Variants in LYZL4 observed in about 807,000 individuals in gnomAD.
LYZL4 encodes the protein lysozyme-like protein 4.
In LYZL4, 13 loss-of-function variants were observed where a neutral mutation model predicts 17.6. The observed-to-expected ratio is 0.74, with a 90% CI of 0.48 to 1.18. LYZL4 has a LOEUF of 1.18. Among genes scored for constraint, LYZL4 ranks in the 50% most tolerant of loss-of-function variants. LYZL4 has a pLI of 0.00. For synonymous variants in LYZL4, 64 were observed against 67.7 expected, an observed-to-expected ratio of 0.95 and a Z score of 0.27; for missense variants, 174 against 188.2, an observed-to-expected ratio of 0.92 and a Z score of 0.44.
At chr3:42,401,604 C>A (rs1164435591) in intron 4 of LYZL4, among the ~76,000 whole-genome samples, 2 of 151,884 alleles carry the variant, frequency 1.3e-5, no homozygotes, top group East Asian at 3.9e-4. Flanking sequence ...AAGATGTCAC[C>A]AGATATGACC....
At chr3:42,393,646 C>T (rs1210172818), downstream of LYZL4, among the ~76,000 whole-genome samples, 1 of 152,204 alleles carries the variant, frequency 6.6e-6, no homozygotes, top group Non-Finnish European at 1.5e-5. Context: ...TTTGCACTAG[C>T]CGGTTTCTTC....
At chr3:42,379,044 T>C in the LYZL4 span, among the ~76,000 whole-genome samples, 1 of 152,064 alleles carries the variant, frequency 6.6e-6, no homozygotes, top group East Asian at 1.9e-4. Context: ...GTGACTCTAT[T>C]CACCTATTGC....
At chr3:42,377,661 GTGTGTGTC>G in the LYZL4 span, among the ~76,000 whole-genome samples, 3 of 140,140 alleles carry the variant, frequency 2.1e-5, no homozygotes, top group Non-Finnish European at 3.1e-5. Flanking sequence ...GTGTGTGTGT[GTGTGTGTC>G]ACTAATGCAG....
intron 3 of LYZL4, among the ~76,000 whole-genome samples, chr3:42,405,615 C>A (rs1451379739): frequency 6.6e-6 from 1 of 152,178 alleles, no homozygotes; most frequent in African/African-American, 2.4e-5. Flanking sequence ...ATGGTTCTCA[C>A]CCATCAGCGT....
chr3:42,385,307 C>T, the LYZL4 span, among the ~76,000 whole-genome samples: 1 of 152,064 alleles, frequency 6.6e-6, no homozygotes, highest in Non-Finnish European at 1.5e-5. Context: ...ATTACAATAC[C>T]ATATTTTTTC....
chr3:42,399,225 C>T (rs1698610749), intron 4 of LYZL4, among the ~76,000 whole-genome samples: 1 of 152,186 alleles, frequency 6.6e-6, no homozygotes, highest in Non-Finnish European at 1.5e-5. Flanking sequence ...CCCCTTCATG[C>T]AGTGTGGGTG....
chr3:42,396,759 G>GCAACTGT (rs937197245), downstream of LYZL4, among the ~76,000 whole-genome samples: 5 of 152,188 alleles, frequency 3.3e-5, no homozygotes, highest in Non-Finnish European at 7.3e-5. Flanking sequence ...TAAGAAATGA[G>GCAACTGT]CAACTGTCAT....
At position 42,406,901 on chromosome 3, in the gene LYZL4, A is replaced by G. The variant is rs1363484344; in HGVS notation, c.237T>C (p.Arg79=). Residue 79 remains arginine, a synonymous_variant, in exon 3 of 5, where the codon CGT becomes CGC. Transcript: ENST00000287748. ...GYTGFGLFQM[R]GSDWCGDHGR... is the part of the protein sequence containing the mutation. Reference sequence around the variant, plus strand: ...CATGGTCGCCACACCAGTCACTGCCACGCATCTGAAAGAGGCCAAAGCCAG... The same window carrying G: ...CATGGTCGCCACACCAGTCACTGCCGCGCATCTGAAAGAGGCCAAAGCCAG... 1.9e-6 allele frequency: 3 copies of G among 1,614,236 alleles called. No individual in the cohort carries two copies. The South Asian group carries it at 3.3e-5, about 18-fold the overall frequency.
rs764403421 is a variant in LYZL4 at position 42,407,291 on chromosome 3, G to A, written c.-40C>T. The stretch of plus-strand genomic sequence containing the variant: ...TGGCAGGTCAGGGCAACGGTGGCCA[G>A]ATGAGTGGGTGGAGTCACAGGGACA... On this transcript the variant is annotated 5_prime_UTR_variant, in exon 2 of 5. Coordinates refer to ENST00000287748, the MANE Select transcript of LYZL4 (RefSeq NM_144634.4). 1.2e-6 allele frequency: 2 copies of A among 1,612,952 alleles called. No individual in the cohort carries two copies. Among genetic ancestry groups the A allele is most frequent in the Non-Finnish European group, 1.7e-6 (2 of 1,179,640 alleles).
the LYZL4 span, among the ~76,000 whole-genome samples, chr3:42,377,689 G>T: frequency 6.6e-6 from 1 of 150,964 alleles, no homozygotes; most frequent in East Asian, 1.9e-4. Flanking sequence ...GTTAGACTGT[G>T]TTTAGCTTGC....
the LYZL4 span, among the ~76,000 whole-genome samples, chr3:42,377,680 T>C: frequency 1.3e-5 from 2 of 148,632 alleles, no homozygotes; most frequent in African/African-American, 2.5e-5. Context: ...ACTAATGCAG[T>C]TAGACTGTGT....
At chr3:42,364,047 C>A in the LYZL4 span, among the ~76,000 whole-genome samples, 1 of 152,188 alleles carries the variant, frequency 6.6e-6, no homozygotes, top group Non-Finnish European at 1.5e-5. Flanking sequence ...TCCCAGAACA[C>A]AAGACGGTAA....
At chr3:42,395,935 G>T (rs2125598793), downstream of LYZL4, among the ~76,000 whole-genome samples, 1 of 152,176 alleles carries the variant, frequency 6.6e-6, no homozygotes, top group East Asian at 1.9e-4. Flanking sequence ...GTTGGTGCGT[G>T]CCTGCAATCC....
the LYZL4 span, among the ~76,000 whole-genome samples, chr3:42,385,701 G>A: frequency 6.6e-6 from 1 of 152,124 alleles, no homozygotes; most frequent in African/African-American, 2.4e-5. Context: ...TTCTAGCCCT[G>A]TGGACTCTAA....
At chr3:42,391,134 T>G in the LYZL4 span, among the ~76,000 whole-genome samples, 17 of 152,210 alleles carry the variant, frequency 1.1e-4, no homozygotes, top group Non-Finnish European at 2.1e-4. Context: ...CTGAGCTATC[T>G]GGGCCCCTTT....
At chr3:42,383,391 T>C in the LYZL4 span, among the ~76,000 whole-genome samples, 1 of 146,484 alleles carries the variant, frequency 6.8e-6, no homozygotes, top group Admixed American at 7.1e-5. Context: ...GATGGCTCCA[T>C]GGTGAACCCC....
chr3:42,364,482 A>T, the LYZL4 span, among the ~76,000 whole-genome samples: 2 of 151,326 alleles, frequency 1.3e-5, no homozygotes, highest in Non-Finnish European at 2.9e-5. Context: ...AGCTGGGATT[A>T]CAGGCACTCG....
At chr3:42,390,381 T>A in the LYZL4 span, among the ~76,000 whole-genome samples, 3 of 152,048 alleles carry the variant, frequency 2.0e-5, no homozygotes, top group Non-Finnish European at 4.4e-5. Context: ...AAGGATGAAG[T>A]TTTTGCATGT....
chr3:42,398,122 T>C (rs1019625655), intron 4 of LYZL4, among the ~76,000 whole-genome samples: 1 of 152,124 alleles, frequency 6.6e-6, no homozygotes, highest in Non-Finnish European at 1.5e-5. Context: ...CAGGGAAACA[T>C]ACACACAGGT....
Sources: allele counts gnomAD v4.1 joint callset (sites outside exome capture counted in the v4.1 genomes callset), GRCh38; gene constraint gnomAD v4.1.1; transcripts MANE v1.5; gene names NCBI Gene and HGNC (gene_info 2026-07-23, HGNC 2026-07-21).